Variants in ECM2 observed in about 807,000 individuals in gnomAD.
ECM2 encodes the protein extracellular matrix protein 2, female organ and adipocyte specific.
ECM2 carries 57 observed loss-of-function variants against 67.5 expected under a neutral mutation model. That is an observed-to-expected ratio of 0.84 (90% CI 0.68 to 1.05). ECM2 has a LOEUF of 1.05. Ranked by LOEUF, ECM2 falls within the 50% of genes least tolerant of loss-of-function variation. ECM2 has a pLI of 0.00. For synonymous variants in ECM2, 258 were observed against 294.5 expected (o/e 0.88, Z 1.27); for missense variants, 741 against 822.8 (o/e 0.90, Z 1.22).
intron 7 of ECM2, among the ~76,000 whole-genome samples, chr9:92,504,155 A>T (rs1316596546): frequency 6.6e-6 from 1 of 152,154 alleles, no homozygotes; most frequent in African/African-American, 2.4e-5. Flanking sequence ...TTTTTTAATT[A>T]TTCATTTCTG....
chr9:92,523,658 G>A (rs1053562094), intron 1 of ECM2, among the ~76,000 whole-genome samples: 2 of 152,182 alleles, frequency 1.3e-5, no homozygotes, highest in South Asian at 4.1e-4. Context: ...TAGCAGTAGC[G>A]GTTTAAATGA....
chr9:92,545,001 G>C, the ECM2 span, among the ~76,000 whole-genome samples: 2 of 152,120 alleles, frequency 1.3e-5, no homozygotes, highest in Admixed American at 6.5e-5. Context: ...TGGGATTACC[G>C]GTGTGAGCAA....
rs560697587 is a variant in ECM2 at position 92,517,372 on chromosome 9, A to G, written c.481+315T>C. The G allele has an allele frequency of 2.2e-3, 1,136 of 525,924 alleles. 3 individuals carry two copies. Among genetic ancestry groups the G allele is most frequent in the Non-Finnish European group, 3.3e-3 (964 of 295,898 alleles). 32.6% of individuals were successfully genotyped at this position (525,924 alleles called of 1,614,324 possible). A position where few individuals can be genotyped will look rare whatever the true frequency, so the allele number is the denominator to read the frequency against. ...CATATAGACCAAAGCAGAGCCCTTAATGCAATAAGAATTCAGGATCTGTTG... is the reference window on the plus strand; with the variant it reads ...CATATAGACCAAAGCAGAGCCCTTAGTGCAATAAGAATTCAGGATCTGTTG... On this transcript the variant is annotated intron_variant, in intron 3 of 9. Transcript: ENST00000344604.
the ECM2 span, among the ~76,000 whole-genome samples, chr9:92,552,030 CAT>C: frequency 9.0e-5 from 8 of 88,988 alleles, 1 homozygote; most frequent in East Asian, 2.2e-4. Context: ...ATAGATCTAT[CAT>C]ATATGTGATA....
intron 1 of ECM2, among the ~76,000 whole-genome samples, chr9:92,525,626 C>T (rs1588231547): frequency 6.6e-6 from 1 of 152,098 alleles, no homozygotes; most frequent in Admixed American, 6.5e-5. Flanking sequence ...CGCGGTGGCT[C>T]AAGCCTATAA....
chr9:92,499,874 A>G (rs1009220945), intron 9 of ECM2, among the ~76,000 whole-genome samples: 3 of 152,168 alleles, frequency 2.0e-5, no homozygotes, highest in Non-Finnish European at 4.4e-5. Flanking sequence ...TACTAACAAA[A>G]TATTCTGGAT....
At chr9:92,528,766 AT>A (rs57828721) in intron 1 of ECM2, among the ~76,000 whole-genome samples, 26,770 of 152,196 alleles carry the variant, frequency 0.18, 3,412 homozygotes, top group East Asian at 0.65. Flanking sequence ...TTCTGAAAGA[AT>A]TAAACTGCGT....
chr9:92,525,783 G>A (rs1333316793), intron 1 of ECM2, among the ~76,000 whole-genome samples: 5 of 151,574 alleles, frequency 3.3e-5, no homozygotes, highest in South Asian at 2.1e-4. Flanking sequence ...CCAGCAACTC[G>A]GGAGGCTGAG....
chr9:92,535,777 G>GA (rs1215606802), intron 1 of ECM2, among the ~76,000 whole-genome samples, 156 bp downstream of exon 1: 7 of 151,852 alleles, frequency 4.6e-5, no homozygotes, highest in African/African-American at 9.7e-5. Context: ...AGTACATCGT[G>GA]AAAAAAACAA....
intron 2 of ECM2, among the ~76,000 whole-genome samples, chr9:92,520,466 G>T (rs998531848): frequency 2.3e-4 from 35 of 152,144 alleles, no homozygotes; most frequent in Admixed American, 2.2e-3. Context: ...AATAACAATT[G>T]TTGGCAGGAA....
intron 9 of ECM2, 34 bp from the exon 10 acceptor site, chr9:92,496,517 T>TG (rs773601879): frequency 6.3e-7 from 1 of 1,590,632 alleles, no homozygotes; most frequent in East Asian, 2.3e-5. Context: ...TCACACATGG[T>TG]CCCAGTAATA....
the ECM2 span, among the ~76,000 whole-genome samples, chr9:92,544,475 CA>C: frequency 6.6e-6 from 1 of 151,256 alleles, no homozygotes; most frequent in Admixed American, 6.6e-5. Flanking sequence ...GACTCCGTCT[CA>C]AAAAAATAAA....
chr9:92,495,239 G>A (rs372326944), downstream of ECM2: 17 of 648,104 alleles, frequency 2.6e-5, no homozygotes, highest in East Asian at 1.4e-3. Context: ...ACATAAAACT[G>A]AGAGTAACAA....
intron 2 of ECM2, among the ~76,000 whole-genome samples, chr9:92,519,104 C>T (rs1437306074): frequency 1.3e-5 from 2 of 152,132 alleles, no homozygotes; most frequent in African/African-American, 4.8e-5. Flanking sequence ...CCCAAATGAG[C>T]CTCTCACATT....
At chr9:92,503,310 C>G (rs1268283440) in intron 7 of ECM2, among the ~76,000 whole-genome samples, 9 of 152,126 alleles carry the variant, frequency 5.9e-5, no homozygotes, top group Non-Finnish European at 1.2e-4. Flanking sequence ...TCTCTACTTA[C>G]CAGTGGAGTT....
At chr9:92,510,250 T>C (rs961067939) in intron 5 of ECM2, among the ~76,000 whole-genome samples, 2 of 152,208 alleles carry the variant, frequency 1.3e-5, no homozygotes, top group African/African-American at 4.8e-5. Context: ...CAGACTACAT[T>C]TGATTATTTT....
At chr9:92,556,510 G>C in the ECM2 span, among the ~76,000 whole-genome samples, 1 of 152,162 alleles carries the variant, frequency 6.6e-6, no homozygotes, top group African/African-American at 2.4e-5. Context: ...AAATTTGGGA[G>C]CACCAGTGTT....
intron 9 of ECM2, among the ~76,000 whole-genome samples, chr9:92,500,076 G>A (rs1588186342): frequency 6.6e-6 from 1 of 152,196 alleles, no homozygotes; most frequent in Non-Finnish European, 1.5e-5. Context: ...ATGCTTTATA[G>A]ATTAGTTTTA....
At chr9:92,520,331 A>G (rs1201669381) in intron 2 of ECM2, among the ~76,000 whole-genome samples, 1 of 152,176 alleles carries the variant, frequency 6.6e-6, no homozygotes, top group Non-Finnish European at 1.5e-5. Context: ...TATTTCTCCA[A>G]GGAAGATATG....
Sources: gnomAD v4.1 joint callset for allele counts (sites outside exome capture counted in the v4.1 genomes callset) on GRCh38, gnomAD v4.1.1 for gene constraint, MANE v1.5 for transcripts, NCBI Gene and HGNC (gene_info 2026-07-23, HGNC 2026-07-21) for gene names.